The following CFAP69 variants were observed in gnomAD, a reference collection of about 807,000 sequenced individuals.
The protein encoded by CFAP69 is cilia and flagella associated protein 69, also known as cilia- and flagella-associated protein 69.
A neutral mutation model predicts 123.0 loss-of-function variants in CFAP69; 92 were observed. The ratio of observed to expected loss-of-function variants is 0.75; its 90% CI spans 0.63 to 0.89. The LOEUF (loss-of-function observed/expected upper bound fraction) is 0.89, where lower values mean the gene tolerates loss of function less well. CFAP69 is among the 40% of genes least tolerant of loss of function. The probability of loss-of-function intolerance (pLI) is 0.00; values close to 1 mark genes in which losing one functional copy is unlikely to be tolerated. For synonymous variants in CFAP69, 380 were observed against 364.3 expected (o/e 1.04, Z -0.49); for missense variants, 1,067 against 1,096.9 (o/e 0.97, Z 0.39).
chr7:90,303,969 A>G lies in CFAP69; in HGVS notation c.2051A>G (p.Asp684Gly), dbSNP rs1455871809. The change falls in exon 18 of 23, where the codon GAT (aspartate) becomes GGT (glycine). Residue 684 changes from aspartate to glycine, a missense_variant and splice_region_variant. By Grantham distance (94) the Asp-to-Gly change is moderately conservative. Coordinates refer to ENST00000389297, the MANE Select transcript of CFAP69 (RefSeq NM_001039706.3). ...TATTTTCATGCTATCCAATGATTAG[A>G]TACAAAAAAACCTCTATTTACTAGC... ...VKRDKNGKII[D>G]TKKPLFTSFQ... 2.3e-5 allele frequency: 35 copies of G among 1,547,444 alleles called. No homozygotes were observed. The highest frequency in any genetic ancestry group is 3.0e-5 in the Non-Finnish European group (34 of 1,144,934).
chr7:90,300,551 A>T, intron 17 of CFAP69: 1 of 562,356 alleles, frequency 1.8e-6, no homozygotes, highest in South Asian at 8.0e-5. Flanking sequence ...AATGTTCAAA[A>T]ATTTTAATTA....
At chr7:90,246,821 T>C (rs1796393827) in intron 1 of CFAP69, among the ~76,000 whole-genome samples, 1 of 152,106 alleles carries the variant, frequency 6.6e-6, no homozygotes, top group Non-Finnish European at 1.5e-5. Flanking sequence ...CGTGGATTTT[T>C]TTTTTTTTTT....
rs1288408540 is a variant in CFAP69 at position 90,307,809 on chromosome 7, A to T, written c.2505A>T (p.Ser835=). The T allele has an allele frequency of 2.5e-6, 4 of 1,612,294 alleles. No individual in the cohort carries two copies. The South Asian group carries it at 3.3e-5, about 13-fold the overall frequency. ...AGCAAAGAGAGCTGGCTAATAAATC[A>T]TGGGAAGATTTCTTGGCTAGAACAT... The part of the protein sequence containing the change: ...THKQRELANK[S]WEDFLARTSN... The change falls in exon 21 of 23, where the codon TCA becomes TCT. Residue 835 remains serine (S), a synonymous_variant. Transcript: ENST00000389297.
At chr7:90,304,134 A>T in intron 18 of CFAP69, 28 bp downstream of exon 18, 1 of 1,540,372 alleles carries the variant, frequency 6.5e-7, no homozygotes, top group African/African-American at 1.4e-5. Context: ...AATTTGCAAG[A>T]GTCTGTTTTG....
At chr7:90,258,894 C>T (rs1797970072) in intron 3 of CFAP69, among the ~76,000 whole-genome samples, 1 of 152,052 alleles carries the variant, frequency 6.6e-6, no homozygotes, top group African/African-American at 2.4e-5. Flanking sequence ...AGTTAGAGGG[C>T]CAAGTCAAAG....
At chr7:90,290,032 T>G (rs1398616954) in intron 15 of CFAP69, among the ~76,000 whole-genome samples, 1 of 152,136 alleles carries the variant, frequency 6.6e-6, no homozygotes, top group Non-Finnish European at 1.5e-5. Flanking sequence ...AGACATCTGG[T>G]AGAGTAAGTC....
rs1426859028 is a variant in CFAP69 at position 90,265,325 on chromosome 7, G to A, written c.381G>A (p.Val127=). 6.2e-7 allele frequency: 1 copy of A among 1,611,234 alleles called. No homozygotes were observed. The highest frequency in any genetic ancestry group is 8.5e-7 in the Non-Finnish European group (1 of 1,178,316). Reference sequence around the variant, plus strand: ...GCTTGCCATTTTTGAAAAAGAAAGTGTCGGATGAAATAACTTATGCTGAAG... The same window carrying A: ...GCTTGCCATTTTTGAAAAAGAAAGTATCGGATGAAATAACTTATGCTGAAG... ...LCGLPFLKKK[V]SDEITYAEDT... Residue 127 remains valine, a synonymous_variant, in exon 5 of 23, where the codon GTG becomes GTA. Transcript: ENST00000389297.
At chr7:90,303,818 T>A (rs1289586397) in intron 17 of CFAP69, 151 bp from the exon 18 acceptor site, 11 of 1,212,596 alleles carry the variant, frequency 9.1e-6, no homozygotes, top group Middle Eastern at 3.2e-4. Context: ...TAATTATTAT[T>A]TCAAAAGTGT....
chr7:90,251,618 C>T (rs376833341), intron 1 of CFAP69, among the ~76,000 whole-genome samples: 1 of 152,058 alleles, frequency 6.6e-6, no homozygotes. Context: ...AGACCAATAG[C>T]TGCATGAGGT....
intron 15 of CFAP69, among the ~76,000 whole-genome samples, chr7:90,291,439 C>A (rs17861291): frequency 0.053 from 8,104 of 152,154 alleles, 271 homozygotes; most frequent in Non-Finnish European, 0.077. Flanking sequence ...TGTTTTATCC[C>A]CAAGGTCTTC....
In CFAP69 at chr7:90,248,219, A is replaced by G. The variant is rs1796556583; in HGVS notation, c.120+2675A>G. 5.3e-5 allele frequency among the ~76,000 whole-genome samples: 8 copies of G among 152,292 alleles called. No homozygotes were observed. In the South Asian group the frequency reaches 1.7e-3, roughly 32 times the overall value. On this transcript the variant is annotated intron_variant, in intron 1 of 22. Coordinates refer to ENST00000389297, the MANE Select transcript of CFAP69 (RefSeq NM_001039706.3). ...GCTACTTTGGCTACCTGGGCTTTTG[A>G]TAGCTGTTTTATATCATTTTCTTTA...
chr7:90,261,730 G>A (rs1203069595), intron 3 of CFAP69, among the ~76,000 whole-genome samples: 2 of 152,100 alleles, frequency 1.3e-5, no homozygotes, highest in Admixed American at 1.3e-4. Flanking sequence ...AAAAAATTTT[G>A]AGTAGGCATT....
At position 90,307,792 on chromosome 7, in the gene CFAP69, G is replaced by T. The variant is rs572240323; in HGVS notation, c.2488G>T (p.Glu830Ter). ...GATACAGGCCACGCACAAGCAAAGA[G>T]AGCTGGCTAATAAATCATGGGAAGA... ...AKIQATHKQR[E>*]LANKSWEDFL... Residue 830 changes from glutamate (E) to a stop codon, truncating the protein, a stop_gained, in exon 21 of 23, where the codon GAG becomes TAG. Coordinates refer to ENST00000389297, the MANE Select transcript of CFAP69 (RefSeq NM_001039706.3). LOFTEE classifies it high-confidence loss of function. 2 of 1,610,898 alleles carry T rather than the reference G, an allele frequency of 1.2e-6. No homozygotes were observed. The highest frequency in any genetic ancestry group is 1.3e-5 in the African/African-American group (1 of 74,542).
chr7:90,246,336 C>G (rs1053192589), intron 1 of CFAP69, among the ~76,000 whole-genome samples: 1 of 152,156 alleles, frequency 6.6e-6, no homozygotes, highest in Non-Finnish European at 1.5e-5. Flanking sequence ...TTAAAAGCCG[C>G]GAATTCCTGG....
chr7:90,250,217 A>G (rs965899124), intron 1 of CFAP69, among the ~76,000 whole-genome samples: 11 of 151,174 alleles, frequency 7.3e-5, no homozygotes, highest in African/African-American at 2.7e-4. Flanking sequence ...AGAGAGAGAG[A>G]GAGAGAGAGA....
At chr7:90,256,060 G>A (rs1305992437) in intron 2 of CFAP69, among the ~76,000 whole-genome samples, 10 of 152,130 alleles carry the variant, frequency 6.6e-5, no homozygotes, top group South Asian at 4.1e-4. Context: ...GCCAGCACAC[G>A]CTAGGAACTT....
chr7:90,268,367 C>A lies in CFAP69; in HGVS notation c.515C>A (p.Pro172Gln). Residue 172 changes from proline to glutamine, a missense_variant, in exon 6 of 23, where the codon CCA becomes CAA. By Grantham distance (76) the Pro-to-Gln change is moderately conservative. Transcript: ENST00000389297. ...GTTGATTTTTATCATGCAGAACCACCAAAGAAGCATATTCCAGGTGAAGTT... is the reference window on the plus strand; with the variant it reads ...GTTGATTTTTATCATGCAGAACCACAAAAGAAGCATATTCCAGGTGAAGTT... The part of the protein sequence containing the change: ...CIVDFYHAEP[P>Q]KKHIPGYQQA... 1 of 1,608,838 alleles carries A rather than the reference C, an allele frequency of 6.2e-7. No homozygotes were observed. The highest frequency in any genetic ancestry group is 1.1e-5 in the South Asian group (1 of 90,386).
rs981682433 is a variant in CFAP69, at chr7:90,307,833, A to G, written c.2529A>G (p.Thr843=). ...NKSWEDFLAR[T]SNAKTLKKAK... ...CATGGGAAGATTTCTTGGCTAGAACATCAAACGCTAAAACGTTAAAGGTAG... is the reference window on the plus strand; with the variant it reads ...CATGGGAAGATTTCTTGGCTAGAACGTCAAACGCTAAAACGTTAAAGGTAG... Residue 843 remains threonine (T), a synonymous_variant, in exon 21 of 23, where the codon ACA becomes ACG. Transcript: ENST00000389297. The G allele has an allele frequency of 5.6e-6, 9 of 1,611,516 alleles. No individual in the cohort carries two copies. Among genetic ancestry groups the G allele is most frequent in the African/African-American group, 2.7e-5 (2 of 74,766 alleles).
intron 9 of CFAP69, among the ~76,000 whole-genome samples, chr7:90,275,265 T>C (rs1206137295): frequency 6.6e-6 from 1 of 152,220 alleles, no homozygotes; most frequent in Non-Finnish European, 1.5e-5. Flanking sequence ...GAAGAATTTT[T>C]AATAACTACA....
Sources: gnomAD v4.1 joint callset for allele counts (sites outside exome capture counted in the v4.1 genomes callset) on GRCh38, gnomAD v4.1.1 for gene constraint, MANE v1.5 for transcripts, NCBI Gene and HGNC (gene_info 2026-07-23, HGNC 2026-07-21) for gene names.